BMPER: variants seen among roughly 807,000 people sequenced by gnomAD.
BMPER encodes the protein BMP binding endothelial regulator, also known as BMP-binding endothelial regulator protein.
BMPER carries 45 observed loss-of-function variants against 87.3 expected under a neutral mutation model. That is an observed-to-expected ratio of 0.52 (90% CI 0.41 to 0.66). The LOEUF (loss-of-function observed/expected upper bound fraction) is 0.66. BMPER is among the 30% of genes least tolerant of loss of function. BMPER has a pLI of 0.00. For missense variants in BMPER, 784 were observed against 867.5 expected, an observed-to-expected ratio of 0.90 and a Z score of 1.21; for synonymous variants, 326 against 316.2, an observed-to-expected ratio of 1.03 and a Z score of -0.33.
intron 6 of BMPER, chr7:34,042,617 A>C (rs1381175849): frequency 1.3e-5 from 2 of 152,218 alleles, no homozygotes; most frequent in African/African-American, 2.4e-5. Flanking sequence ...GACAGCCCAG[A>C]ACTATGCCTG....
intron 2 of BMPER, among the ~76,000 whole-genome samples, chr7:33,910,583 T>C (rs1233246096): frequency 1.3e-5 from 2 of 152,226 alleles, no homozygotes; most frequent in African/African-American, 4.8e-5. Context: ...CAGAGCTTAG[T>C]TTGGCGTACA....
rs138792693 is a variant in BMPER at position 34,119,014 on chromosome 7, T to TCACACACA, written c.1746-24200_1746-24193dup. 1.6e-3 allele frequency among the ~76,000 whole-genome samples: 216 copies of TCACACACA among 135,790 alleles called. 2 individuals are homozygous for TCACACACA. Among genetic ancestry groups the TCACACACA allele is most frequent in the African/African-American group, 4.9e-3 (188 of 37,994 alleles). The allele number at this position is 135,790 out of a possible 152,430, so 89.1% of individuals were successfully genotyped here. A position where few individuals can be genotyped will look rare whatever the true frequency, so the allele number is the denominator to read the frequency against. On this transcript the variant is annotated intron_variant, in intron 13 of 14. Coordinates refer to ENST00000649409, the MANE Select transcript of BMPER (RefSeq NM_001365308.1). ...CTCTCACTGTCTCTCTCTCTCTCTC[T>TCACACACA]CACACACACACACACACACACACGC...
intron 13 of BMPER, among the ~76,000 whole-genome samples, chr7:34,096,500 C>T (rs997333574): frequency 9.2e-5 from 14 of 152,194 alleles, no homozygotes; most frequent in African/African-American, 2.4e-4. Flanking sequence ...TGTGCAAATA[C>T]GAAATAGGAG....
At chr7:33,949,596 A>G (rs1017400316) in intron 3 of BMPER, among the ~76,000 whole-genome samples, 1 of 148,258 alleles carries the variant, frequency 6.7e-6, no homozygotes, top group Admixed American at 6.7e-5. Flanking sequence ...TTCTAGTGCC[A>G]CTGTGTTTTT....
chr7:34,153,310 A>C lies in BMPER; in HGVS notation c.*37A>C, dbSNP rs1180141843. ...ATCCTTAAGACTCTGAAATCTGGTG[A>C]CTTTGACACTGAAGCGGAAGAGCCA... On this transcript the variant is annotated 3_prime_UTR_variant, in exon 15 of 15. Transcript: ENST00000649409. 1.9e-6 allele frequency: 3 copies of C among 1,610,940 alleles called. No homozygotes were observed. Among genetic ancestry groups the C allele is most frequent in the Admixed American group, 1.7e-5 (1 of 59,964 alleles).
chr7:34,055,114 G>A (rs1788247402), intron 8 of BMPER, 49 bp from the exon 9 acceptor site: 2 of 1,613,472 alleles, frequency 1.2e-6, no homozygotes, highest in Non-Finnish European at 8.5e-7. Context: ...AGGATGTTTG[G>A]TAGAGGCGAA....
chr7:33,986,951 C>G (rs923129250), intron 6 of BMPER, among the ~76,000 whole-genome samples: 4 of 152,050 alleles, frequency 2.6e-5, no homozygotes, highest in African/African-American at 4.8e-5. Context: ...CTCCCCTCCC[C>G]TCCTGTGCCC....
Position 34,095,535 on chromosome 7 carries a change from A to C in BMPER, c.1745+9443A>C, listed in dbSNP as rs114978271. ...CCCTTTGCCCTATTGCCTTCTCCTC[A>C]TTGGATGGAGAAAATAATGTTAGTT... On this transcript the variant is annotated intron_variant, in intron 13 of 14. Transcript: ENST00000649409. Among the ~76,000 whole-genome samples the C allele has an allele frequency of 6.6e-3, 1,011 of 152,240 alleles. 16 individuals are homozygous for C. The highest frequency in any genetic ancestry group is 0.023 in the African/African-American group (948 of 41,560).
intron 2 of BMPER, among the ~76,000 whole-genome samples, chr7:33,918,236 A>G (rs147777289): frequency 1.2e-4 from 18 of 152,340 alleles, no homozygotes; most frequent in African/African-American, 4.3e-4. Context: ...TAGCAATAAC[A>G]TTAATGAATG....
intron 13 of BMPER, among the ~76,000 whole-genome samples, chr7:34,086,876 G>T (rs974000684): frequency 6.6e-6 from 1 of 152,266 alleles, no homozygotes; most frequent in South Asian, 2.1e-4. Flanking sequence ...AGCTATGGCT[G>T]CCTATAACTT....
chr7:33,927,444 T>C (rs1357529842), intron 2 of BMPER, among the ~76,000 whole-genome samples: 1 of 152,224 alleles, frequency 6.6e-6, no homozygotes, highest in Non-Finnish European at 1.5e-5. Flanking sequence ...ATTTTGTTTC[T>C]GTGATTTGTA....
Position 34,115,638 on chromosome 7 carries a change from G to A in BMPER, c.1746-27592G>A, listed in dbSNP as rs1023788297. 2.6e-5 allele frequency among the ~76,000 whole-genome samples: 4 copies of A among 152,110 alleles called. No individual in the cohort carries two copies. In the East Asian group the frequency reaches 7.7e-4, roughly 29 times the overall value. On this transcript the variant is annotated intron_variant, in intron 13 of 14. Coordinates refer to ENST00000649409, the MANE Select transcript of BMPER (RefSeq NM_001365308.1). ...TTCTTTTACTTAGCATGTGTTCAAG[G>A]TTCATCCATATTGTAGCATGTATCA...
chr7:34,124,391 T>C (rs896313540), intron 13 of BMPER, among the ~76,000 whole-genome samples: 33 of 152,214 alleles, frequency 2.2e-4, no homozygotes, highest in African/African-American at 7.7e-4. Context: ...CCAGAAAATA[T>C]CTCTCCATTT....
chr7:34,109,220 C>T (rs886556244), intron 13 of BMPER, among the ~76,000 whole-genome samples: 5 of 152,148 alleles, frequency 3.3e-5, no homozygotes, highest in African/African-American at 9.7e-5. Flanking sequence ...GCTGATGTTT[C>T]AGTTCAAGTT....
chr7:33,996,750 T>A (rs1786422560), intron 6 of BMPER, among the ~76,000 whole-genome samples: 1 of 152,184 alleles, frequency 6.6e-6, no homozygotes, highest in Admixed American at 6.5e-5. Flanking sequence ...AAAATAAGTT[T>A]AAAAAGGTGA....
At chr7:34,108,667 A>G (rs145745710) in intron 13 of BMPER, among the ~76,000 whole-genome samples, 147 of 152,312 alleles carry the variant, frequency 9.7e-4, no homozygotes, top group African/African-American at 2.4e-3. Flanking sequence ...TTTTTGGACT[A>G]CATTTTTCTG....
At chr7:34,056,982 C>T (rs551692829) in intron 9 of BMPER, among the ~76,000 whole-genome samples, 78 of 152,242 alleles carry the variant, frequency 5.1e-4, no homozygotes, top group Non-Finnish European at 9.3e-4. Context: ...AAATAATTCA[C>T]GGAGACTTGG....
intron 11 of BMPER, among the ~76,000 whole-genome samples, 166 bp downstream of exon 11, chr7:34,062,213 C>A (rs991189033): frequency 4.6e-5 from 7 of 151,990 alleles, no homozygotes; most frequent in African/African-American, 1.7e-4. Context: ...TGTAATTCTC[C>A]CACAGAAGTA....
At position 34,111,309 on chromosome 7, in the gene BMPER, G is replaced by T. The variant is rs545624852; in HGVS notation, c.1745+25217G>T. 2.0e-5 allele frequency among the ~76,000 whole-genome samples: 3 copies of T among 152,312 alleles called. No homozygotes were observed. In the East Asian group the frequency reaches 5.8e-4, roughly 29 times the overall value. ...TGTACCTAAGGTTTTGCCCATCAAT[G>T]GCCCTGCATCAACCATTTTTGTTCA... is the stretch of plus-strand genomic sequence containing the variant. On this transcript the variant is annotated intron_variant, in intron 13 of 14. Coordinates refer to ENST00000649409, the MANE Select transcript of BMPER (RefSeq NM_001365308.1).
Sources: allele counts gnomAD v4.1 joint callset (sites outside exome capture counted in the v4.1 genomes callset), GRCh38; gene constraint gnomAD v4.1.1; transcripts MANE v1.5; gene names NCBI Gene and HGNC (gene_info 2026-07-23, HGNC 2026-07-21).